Variants in P2RY12 observed in about 807,000 individuals in gnomAD.
P2RY12 encodes the protein P2Y purinoceptor 12.
P2RY12 carries 3 observed loss-of-function variants against 4.5 expected under a neutral mutation model. The ratio of observed to expected loss-of-function variants is 0.67; its 90% CI spans 0.31 to 1.74. P2RY12 has a LOEUF of 1.74. P2RY12 is among the 40% of genes most tolerant of loss of function. The pLI, the probability that P2RY12 is intolerant of heterozygous loss-of-function variation, is 0.09. For synonymous variants in P2RY12, 148 were observed against 154.1 expected, an observed-to-expected ratio of 0.96 and a Z score of 0.29; for missense variants, 356 against 407.8, an observed-to-expected ratio of 0.87 and a Z score of 1.09.
chr3:151,380,397 G>C (rs1193095123), intron 1 of P2RY12, among the ~76,000 whole-genome samples: 1 of 152,096 alleles, frequency 6.6e-6, no homozygotes, highest in African/African-American at 2.4e-5. Context: ...AGGAGTTCGA[G>C]ACCAGCCTGG....
intron 1 of P2RY12, among the ~76,000 whole-genome samples, chr3:151,370,713 G>A (rs1417824939): frequency 6.6e-6 from 1 of 152,086 alleles, no homozygotes; most frequent in Non-Finnish European, 1.5e-5. Context: ...ATAGAGATAG[G>A]GACTGGCTTT....
intron 1 of P2RY12, chr3:151,383,763 G>A (rs781148170): frequency 1.0e-5 from 16 of 1,549,312 alleles, no homozygotes; most frequent in Non-Finnish European, 1.3e-5. Flanking sequence ...ATATCTTACT[G>A]TATTTTGTCT....
chr3:151,383,684 T>C (rs1712808110), intron 1 of P2RY12: 1 of 747,188 alleles, frequency 1.3e-6, no homozygotes, highest in East Asian at 2.7e-5. Flanking sequence ...CTTGTTTTTT[T>C]AAATAAAAAA....
At chr3:151,343,869 A>G (rs1402177162) in intron 1 of P2RY12, among the ~76,000 whole-genome samples, 1 of 152,170 alleles carries the variant, frequency 6.6e-6, no homozygotes, top group Non-Finnish European at 1.5e-5. Context: ...AGGAGGATAG[A>G]GATATAATTA....
intron 2 of P2RY12, among the ~76,000 whole-genome samples, chr3:151,339,431 T>TAA (rs3975402): frequency 0.35 from 51,299 of 145,636 alleles, 9,275 homozygotes; most frequent in African/African-American, 0.44. Flanking sequence ...ACTGAATCAG[T>TAA]AAAAAAAAAA....
At chr3:151,369,495 A>G (rs776228087) in intron 1 of P2RY12, 10 of 1,612,426 alleles carry the variant, frequency 6.2e-6, no homozygotes, top group South Asian at 1.1e-5. Flanking sequence ...CGCTGCTCAC[A>G]ACAGCATTGA....
At chr3:151,362,684 C>T (rs534167869) in intron 1 of P2RY12, among the ~76,000 whole-genome samples, 2 of 151,992 alleles carry the variant, frequency 1.3e-5, no homozygotes, top group African/African-American at 4.8e-5. Context: ...ATCCCAGTGT[C>T]TTGAAGAGTA....
chr3:151,376,633 G>A (rs1210786554), intron 1 of P2RY12, among the ~76,000 whole-genome samples: 4 of 152,050 alleles, frequency 2.6e-5, no homozygotes, highest in African/African-American at 9.7e-5. Flanking sequence ...GGTTTGTATC[G>A]CTACTGAATA....
intron 1 of P2RY12, among the ~76,000 whole-genome samples, chr3:151,371,241 AT>A (rs1394591670): frequency 6.6e-6 from 1 of 152,192 alleles, no homozygotes; most frequent in East Asian, 1.9e-4. Context: ...ACCAGGATAT[AT>A]TTTGAGTTAG....
At chr3:151,354,740 G>A (rs1180844683) in intron 1 of P2RY12, among the ~76,000 whole-genome samples, 1 of 152,168 alleles carries the variant, frequency 6.6e-6, no homozygotes, top group East Asian at 1.9e-4. Context: ...TTAGTTTTTA[G>A]AACACATTAA....
chr3:151,347,574 G>A (rs1410791077), intron 1 of P2RY12, among the ~76,000 whole-genome samples: 1 of 152,196 alleles, frequency 6.6e-6, no homozygotes, highest in Non-Finnish European at 1.5e-5. Flanking sequence ...ATTTCAGCAA[G>A]TGAAATCGTG....
intron 1 of P2RY12, chr3:151,360,579 C>G: frequency 1.2e-6 from 2 of 1,612,506 alleles, no homozygotes; most frequent in Non-Finnish European, 1.7e-6. Flanking sequence ...GTAGCCACCT[C>G]AGAAGTAAAT....
intron 1 of P2RY12, among the ~76,000 whole-genome samples, chr3:151,352,573 G>A (rs1269566216): frequency 6.6e-6 from 1 of 152,160 alleles, no homozygotes; most frequent in African/African-American, 2.4e-5. Context: ...TACTGGTAAG[G>A]AAAACAGACC....
chr3:151,372,119 C>G (rs1369966530), intron 1 of P2RY12, among the ~76,000 whole-genome samples: 4 of 152,176 alleles, frequency 2.6e-5, no homozygotes, highest in Non-Finnish European at 5.9e-5. Context: ...TAAGGCAAAA[C>G]TTTTCTCTTG....
chr3:151,371,386 C>G lies in P2RY12; in HGVS notation c.-180+13306G>C, dbSNP rs1470887851. Among the ~76,000 whole-genome samples the G allele has an allele frequency of 3.3e-5, 5 of 152,290 alleles. No homozygotes were observed. The East Asian group carries it at 9.6e-4, about 29-fold the overall frequency. On this transcript the variant is annotated intron_variant, in intron 1 of 2. Transcript: ENST00000302632. Reference sequence around the variant, plus strand: ...TGGTACTTGCAGAATTTAGTCTTTTCTTTCAGCTCCTGAAGTGATCTATTA... The same window carrying G: ...TGGTACTTGCAGAATTTAGTCTTTTGTTTCAGCTCCTGAAGTGATCTATTA...
intron 1 of P2RY12, among the ~76,000 whole-genome samples, chr3:151,371,456 G>A (rs997326230): frequency 6.6e-6 from 1 of 152,136 alleles, no homozygotes; most frequent in Non-Finnish European, 1.5e-5. Flanking sequence ...CTTTGTGTTT[G>A]TATTTTAATG....
chr3:151,366,623 G>T (rs1755311508), intron 1 of P2RY12, among the ~76,000 whole-genome samples: 1 of 152,074 alleles, frequency 6.6e-6, no homozygotes, highest in Non-Finnish European at 1.5e-5. Flanking sequence ...TATTGGAGTA[G>T]TCTTTGTCGT....
At chr3:151,377,088 C>A in intron 1 of P2RY12, 4 of 1,614,070 alleles carry the variant, frequency 2.5e-6, no homozygotes, top group Non-Finnish European at 3.4e-6. Flanking sequence ...AATAATTCTT[C>A]TAATTCTGGC....
intron 1 of P2RY12, among the ~76,000 whole-genome samples, chr3:151,359,877 A>G (rs999878185): frequency 6.6e-6 from 1 of 152,138 alleles, no homozygotes; most frequent in Non-Finnish European, 1.5e-5. Flanking sequence ...AAAGAGGCCT[A>G]TAACTACAGG....
Sources: allele counts gnomAD v4.1 joint callset (sites outside exome capture counted in the v4.1 genomes callset), GRCh38; gene constraint gnomAD v4.1.1; transcripts MANE v1.5; gene names NCBI Gene and HGNC (gene_info 2026-07-23, HGNC 2026-07-21).